The following CPNE6 variants were observed in gnomAD, a reference collection of about 807,000 sequenced individuals.
CPNE6 encodes copine 6, also known as copine-6.
Under a neutral mutation model 71.5 loss-of-function variants are expected in CPNE6, and 33 were observed. The observed-to-expected ratio is 0.46, with a 90% CI of 0.35 to 0.62. The LOEUF (loss-of-function observed/expected upper bound fraction) is 0.62. Among genes scored for constraint, CPNE6 ranks in the 20% least tolerant of loss-of-function variants. The pLI, the probability that CPNE6 is intolerant of heterozygous loss-of-function variation, is 0.00. For synonymous variants in CPNE6, 296 were observed against 293.0 expected (o/e 1.01, Z -0.10); for missense variants, 576 against 747.3 (o/e 0.77, Z 2.67).
At position 24,073,412 on chromosome 14, in the gene CPNE6, G is replaced by A; in HGVS notation, c.169-87G>A. 2 of 1,423,472 alleles carry A rather than the reference G, an allele frequency of 1.4e-6. No individual in the cohort carries two copies. Among genetic ancestry groups the A allele is most frequent in the Non-Finnish European group, 1.9e-6 (2 of 1,047,960 alleles). 88.2% of individuals were successfully genotyped at this position (1,423,472 alleles called of 1,614,324 possible). On this transcript the variant is annotated intron_variant, in intron 3 of 17. Coordinates refer to ENST00000397016, the Ensembl canonical transcript of CPNE6. The surrounding 1 kb of genome is among the most constrained non-coding windows in gnomAD (Gnocchi z 5.5). ...TGCTGGGGACGTGGGGGCCCAAGAA[G>A]AGCTGGCATGACTAGGGCAGTCCAG... is the stretch of plus-strand genomic sequence containing the variant.
Position 24,075,174 on chromosome 14 carries a change from C to T in CPNE6, c.675C>T (p.Phe225=), listed in dbSNP as rs534518114. ...CACCCCTCCCCCTGCCTTCTCAGTT[C>T]CTGGTGTATGACTATGACTCCAGTG... The change falls in exon 9 of 18, where the codon TTC becomes TTT. Residue 225 remains phenylalanine, a splice_region_variant and synonymous_variant. Coordinates refer to ENST00000397016, the Ensembl canonical transcript of CPNE6. This position sits in a 1 kb window ranked among gnomAD's most constrained non-coding sequence, Gnocchi z 4.3. 2.7e-5 allele frequency: 43 copies of T among 1,612,980 alleles called. No homozygotes were observed. The South Asian group carries it at 3.7e-4, about 14-fold the overall frequency.
Position 24,073,416 on chromosome 14 carries a change from T to A in CPNE6, c.169-83T>A. Reference sequence around the variant, plus strand: ...GGGGACGTGGGGGCCCAAGAAGAGCTGGCATGACTAGGGCAGTCCAGGACA... The same window carrying A: ...GGGGACGTGGGGGCCCAAGAAGAGCAGGCATGACTAGGGCAGTCCAGGACA... On this transcript the variant is annotated intron_variant, in intron 3 of 17. Coordinates refer to ENST00000397016, the Ensembl canonical transcript of CPNE6. This position sits in a 1 kb window ranked among gnomAD's most constrained non-coding sequence, Gnocchi z 5.5. The A allele has an allele frequency of 1.4e-6, 2 of 1,442,804 alleles. No homozygotes were observed. 89.4% of individuals were successfully genotyped at this position (1,442,804 alleles called of 1,614,324 possible). A position where few individuals can be genotyped will look rare whatever the true frequency, so the allele number is the denominator to read the frequency against.
Position 24,075,793 on chromosome 14 carries a change from C to T in CPNE6, c.865-34C>T. ...AAGCTCCCTCCTCAAAGGACCACCC[C>T]ATCCCCTCGCCTTACCCCTCTCCCT... is the stretch of plus-strand genomic sequence containing the variant. On this transcript the variant is annotated intron_variant, in intron 10 of 17. Coordinates refer to ENST00000397016, the Ensembl canonical transcript of CPNE6. The surrounding 1 kb of genome is among the most constrained non-coding windows in gnomAD (Gnocchi z 4.3). The T allele has an allele frequency of 1.2e-6, 2 of 1,602,004 alleles. No individual in the cohort carries two copies. The highest frequency in any genetic ancestry group is 1.7e-6 in the Non-Finnish European group (2 of 1,169,214).
chr14:24,075,082 CCCCTACT>C lies in CPNE6; in HGVS notation c.673-87_673-81del. On this transcript the variant is annotated intron_variant, in intron 8 of 17. Coordinates refer to ENST00000397016, the Ensembl canonical transcript of CPNE6. This position sits in a 1 kb window ranked among gnomAD's most constrained non-coding sequence, Gnocchi z 4.3. ...GCATGGAGACTCTAAGGCCCAAGTC[CCCCTACT>C]CCAAGTCCCCGAGTCCCCCTACTCA... 1 of 932,870 alleles carries C rather than the reference CCCCTACT, an allele frequency of 1.1e-6. No individual in the cohort carries two copies. Among genetic ancestry groups the C allele is most frequent in the South Asian group, 1.4e-5 (1 of 73,468 alleles). The allele number at this position is 932,870 out of a possible 1,614,324, so 57.8% of individuals were successfully genotyped here.
In CPNE6 at chr14:24,077,652, G is replaced by C. The variant is rs1439153255; in HGVS notation, c.1596G>C (p.Glu532Asp). ...CTGAGGTGCCACGGCAGGTGGTGGA[G>C]TACTACGCCAGCCAGGGCATCAGCC... is the stretch of plus-strand genomic sequence containing the variant. Residue 532 changes from glutamate to aspartate, a missense_variant, in exon 17 of 18, where the codon GAG becomes GAC. Physicochemically the swap from Glu to Asp is conservative, Grantham distance 45 (BLOSUM62 2). This residue lies in a region of CPNE6 where 264 missense variants were observed against 339.9 expected (regional missense o/e 0.78). Transcript: ENST00000397016. The surrounding 1 kb of genome is among the most constrained non-coding windows in gnomAD (Gnocchi z 6.1). The C allele has an allele frequency of 3.8e-6, 6 of 1,598,198 alleles. No individual in the cohort carries two copies. Among genetic ancestry groups the C allele is most frequent in the Non-Finnish European group, 5.1e-6 (6 of 1,171,950 alleles).
chr14:24,074,677 G>T lies in CPNE6; in HGVS notation c.583-29G>T. ...GTAAAGTAAGAAGACACAGACAGGA[G>T]CTGACCAGCCACCTGGTGCCTCTCC... On this transcript the variant is annotated intron_variant, in intron 7 of 17. Coordinates refer to ENST00000397016, the Ensembl canonical transcript of CPNE6. This position sits in a 1 kb window ranked among gnomAD's most constrained non-coding sequence, Gnocchi z 4.5. 1 of 1,613,836 alleles carries T rather than the reference G, an allele frequency of 6.2e-7. No individual in the cohort carries two copies. Among genetic ancestry groups the T allele is most frequent in the Admixed American group, 1.7e-5 (1 of 60,014 alleles).
intron 1 of CPNE6, 61 bp from the exon 1 acceptor site, chr14:24,071,501 G>GCGGCCCCC: frequency 1.4e-6 from 2 of 1,416,704 alleles, no homozygotes; most frequent in Non-Finnish European, 1.9e-6. Context: ...CTGGTGCTGC[G>GCGGCCCCC]CCCCCCCCCA....
intron 2 of CPNE6, chr14:24,072,385 C>G (rs1165119938): frequency 6.6e-6 from 1 of 152,612 alleles, no homozygotes; most frequent in Non-Finnish European, 1.5e-5. Context: ...CATCAGCTAG[C>G]CAGAAGGGGA....
rs1171848857 is a variant in CPNE6 at position 24,075,724 on chromosome 14, C to CA, written c.865-97dup. On this transcript the variant is annotated intron_variant, in intron 10 of 17. Coordinates refer to ENST00000397016, the Ensembl canonical transcript of CPNE6. This position sits in a 1 kb window ranked among gnomAD's most constrained non-coding sequence, Gnocchi z 4.3. Reference sequence around the variant, plus strand: ...CTGGAAACCACCCCCAACTGCAACCCAAAAAACTCTGGCTCCCCCATGTTC... The same window carrying CA: ...CTGGAAACCACCCCCAACTGCAACCCAAAAAAACTCTGGCTCCCCCATGTTC... The CA allele has an allele frequency of 1.6e-5, 22 of 1,384,516 alleles. No individual in the cohort carries two copies. The highest frequency in any genetic ancestry group is 2.2e-5 in the Non-Finnish European group (22 of 985,828). 85.8% of individuals were successfully genotyped at this position (1,384,516 alleles called of 1,614,324 possible). A position where few individuals can be genotyped will look rare whatever the true frequency, so the allele number is the denominator to read the frequency against.
At chr14:24,072,714 G>A in intron 2 of CPNE6, 1 of 413,150 alleles carries the variant, frequency 2.4e-6, no homozygotes, top group Non-Finnish European at 4.3e-6. Context: ...CGCATACCTA[G>A]GCCAGCAGCA....
At chr14:24,071,501 G>GCCCGCCCCCCCCCCCC in intron 1 of CPNE6, 61 bp from the exon 1 acceptor site, 1 of 1,416,704 alleles carries the variant, frequency 7.1e-7, no homozygotes, top group Non-Finnish European at 9.3e-7. Flanking sequence ...CTGGTGCTGC[G>GCCCGCCCCCCCCCCCC]CCCCCCCCCA....
intron 2 of CPNE6, 133 bp downstream of exon 1, chr14:24,071,774 T>G (rs1314153668): frequency 1.1e-5 from 6 of 546,308 alleles, no homozygotes; most frequent in African/African-American, 5.9e-5. Flanking sequence ...AGCCCCTGCC[T>G]ATCTCGGGGA....
rs776184573 is a variant in CPNE6 at position 24,073,684 on chromosome 14, C to T, written c.348+6C>T. On this transcript the variant is annotated splice_donor_region_variant and intron_variant, in intron 4 of 17. Coordinates refer to ENST00000397016, the Ensembl canonical transcript of CPNE6. This position sits in a 1 kb window ranked among gnomAD's most constrained non-coding sequence, Gnocchi z 5.5. ...CGGAGTGCACCTTGGGCCAGGTCTG[C>T]ATTCCCGGCCTCCCCGGCTACCCTA... 1.4e-5 allele frequency: 22 copies of T among 1,608,294 alleles called. No individual in the cohort carries two copies. The highest frequency in any genetic ancestry group is 1.1e-5 in the South Asian group (1 of 90,636).
rs1294920396 is a variant in CPNE6, at chr14:24,077,892, C to T, written c.*42C>T. The T allele has an allele frequency of 2.8e-6, 2 of 721,742 alleles. No individual in the cohort carries two copies. Among genetic ancestry groups the T allele is most frequent in the African/African-American group, 1.8e-5 (1 of 55,786 alleles). The allele number at this position is 721,742 out of a possible 1,614,324, so 44.7% of individuals were successfully genotyped here. Reference sequence around the variant, plus strand: ...GACTCTCCCACCCCCTCCCAGGTGCCTGTCCTGACCCTCGTGACTCCAGTG... The same window carrying T: ...GACTCTCCCACCCCCTCCCAGGTGCTTGTCCTGACCCTCGTGACTCCAGTG... On this transcript the variant is annotated 3_prime_UTR_variant, in exon 18 of 18. Coordinates refer to ENST00000397016, the Ensembl canonical transcript of CPNE6. The surrounding 1 kb of genome is among the most constrained non-coding windows in gnomAD (Gnocchi z 6.1).
chr14:24,073,255 A>G lies in CPNE6; in HGVS notation c.168+151A>G. ...TTGGGTACCCTGGAGATGGTGTCCC[A>G]GAGGGTCCTGAGATTGACCCAGAGG... On this transcript the variant is annotated intron_variant, in intron 3 of 17. Transcript: ENST00000397016. The surrounding 1 kb of genome is among the most constrained non-coding windows in gnomAD (Gnocchi z 5.5). The G allele has an allele frequency of 2.1e-6, 2 of 937,760 alleles. No homozygotes were observed. The highest frequency in any genetic ancestry group is 3.0e-6 in the Non-Finnish European group (2 of 668,768). The allele number at this position is 937,760 out of a possible 1,614,324, so 58.1% of individuals were successfully genotyped here.
At position 24,071,515 on chromosome 14, in the gene CPNE6, C is replaced by T. The variant is rs1295707061; in HGVS notation, c.-119-12C>T. On this transcript the variant is annotated splice_polypyrimidine_tract_variant and intron_variant, in intron 1 of 17. Coordinates refer to ENST00000397016, the Ensembl canonical transcript of CPNE6. ...GCTGGTGCTGCGCCCCCCCCCACCC[C>T]TCCCCATCCAGGCCCCATAAATAGC... 1.1e-5 allele frequency: 16 copies of T among 1,513,704 alleles called. No homozygotes were observed. In the Admixed American group the frequency reaches 3.3e-4, roughly 32 times the overall value. The allele number at this position is 1,513,704 out of a possible 1,614,324, so 93.8% of individuals were successfully genotyped here.
At position 24,073,526 on chromosome 14, in the gene CPNE6, T is replaced by C. The variant is rs748238281; in HGVS notation, c.196T>C (p.Cys66Arg). Reference sequence around the variant, plus strand: ...AGAGCGCACAGAGGTGCTTCGCTCCTGTTCCAGCCCTGTCTTCTCCCGGGT... The same window carrying C: ...AGAGCGCACAGAGGTGCTTCGCTCCCGTTCCAGCCCTGTCTTCTCCCGGGT... Residue 66 changes from cysteine to arginine, a missense_variant, in exon 4 of 18, where the codon TGT (cysteine) becomes CGT (arginine). By Grantham distance (180) the Cys-to-Arg change is radical. Transcript: ENST00000397016. The surrounding 1 kb of genome is among the most constrained non-coding windows in gnomAD (Gnocchi z 5.5). The C allele has an allele frequency of 1.2e-6, 2 of 1,613,738 alleles. No homozygotes were observed. Among genetic ancestry groups the C allele is most frequent in the South Asian group, 2.2e-5 (2 of 91,072 alleles).
chr14:24,075,947 AAGGAG>A lies in CPNE6; in HGVS notation c.924+62_924+66del. 1 of 1,595,346 alleles carries A rather than the reference AAGGAG, an allele frequency of 6.3e-7. No individual in the cohort carries two copies. The highest frequency in any genetic ancestry group is 8.6e-7 in the Non-Finnish European group (1 of 1,163,852). On this transcript the variant is annotated intron_variant, in intron 11 of 17. Coordinates refer to ENST00000397016, the Ensembl canonical transcript of CPNE6. The surrounding 1 kb of genome is among the most constrained non-coding windows in gnomAD (Gnocchi z 4.3). ...GAGGGGCTGAGTCCATAGTGAAAGG[AAGGAG>A]CCCAGAATCTCCACTGCCCCAACTT... is the stretch of plus-strand genomic sequence containing the variant.
At chr14:24,076,456 C>T (rs1158755931) in intron 13 of CPNE6, 42 bp downstream of exon 12, 2 of 1,614,074 alleles carry the variant, frequency 1.2e-6, no homozygotes, top group African/African-American at 2.7e-5. Flanking sequence ...GGGGGCGTGT[C>T]AGTCAGGCAG....
Sources: allele counts gnomAD v4.1 joint callset, GRCh38; gene constraint gnomAD v4.1.1; regional missense constraint gnomAD v4.1.1; non-coding constraint Gnocchi (gnomAD v3.1); transcripts MANE v1.5; gene names NCBI Gene and HGNC (gene_info 2026-07-23, HGNC 2026-07-21).